Variants in DPP6 observed in about 807,000 individuals in gnomAD.
DPP6 encodes the protein A-type potassium channel modulatory protein DPP6.
DPP6 carries 69 observed loss-of-function variants against 122.6 expected under a neutral mutation model. That is an observed-to-expected ratio of 0.56 (90% confidence interval 0.46 to 0.69). The LOEUF is 0.69. Ranked by LOEUF, DPP6 falls within the 30% of genes least tolerant of loss-of-function variation. DPP6 has a pLI of 0.00. For missense variants in DPP6, 928 were observed against 1,116.9 expected, an observed-to-expected ratio of 0.83 and a Z score of 2.41; for synonymous variants, 418 against 433.1, an observed-to-expected ratio of 0.97 and a Z score of 0.43.
intron 1 of DPP6, among the ~76,000 whole-genome samples, chr7:154,230,702 C>T (rs534750082): frequency 6.6e-6 from 1 of 152,316 alleles, no homozygotes; most frequent in South Asian, 2.1e-4. Flanking sequence ...CTCTCACCTC[C>T]TCACCAAAAG....
intron 3 of DPP6, among the ~76,000 whole-genome samples, chr7:154,482,585 A>G (rs1823401267): frequency 6.6e-6 from 1 of 152,240 alleles, no homozygotes; most frequent in African/African-American, 2.4e-5. Context: ...AATAACATAT[A>G]TTGAATAATA....
intron 5 of DPP6, among the ~76,000 whole-genome samples, chr7:154,607,986 C>CTT (rs1158332977): frequency 9.8e-6 from 1 of 102,150 alleles, no homozygotes; most frequent in African/African-American, 3.0e-5. Flanking sequence ...TTTTTTTTTT[C>CTT]TTTTTTTTTT....
At chr7:153,815,058 A>G in the DPP6 span, among the ~76,000 whole-genome samples, 6 of 152,346 alleles carry the variant, frequency 3.9e-5, no homozygotes, top group South Asian at 1.0e-3. Context: ...CAAGACAGGG[A>G]TGGCCTCTCT....
chr7:153,857,117 CAAAG>C, the DPP6 span, among the ~76,000 whole-genome samples: 7 of 151,910 alleles, frequency 4.6e-5, no homozygotes, highest in African/African-American at 9.7e-5. Context: ...TTTTCTATGA[CAAAG>C]AAACCTTTAC....
chr7:154,219,613 C>G (rs1467401710), intron 1 of DPP6, among the ~76,000 whole-genome samples: 1 of 151,658 alleles, frequency 6.6e-6, no homozygotes, highest in African/African-American at 2.4e-5. Flanking sequence ...GAGTCTCCCA[C>G]TATCGTTCTG....
chr7:154,185,214 G>A (rs1056071286), intron 1 of DPP6, among the ~76,000 whole-genome samples: 13 of 152,166 alleles, frequency 8.5e-5, no homozygotes, highest in Non-Finnish European at 1.9e-4. Flanking sequence ...ATAATCCTGT[G>A]TAATGAGAAG....
the DPP6 span, among the ~76,000 whole-genome samples, chr7:153,855,472 TC>T: frequency 1.3e-5 from 2 of 152,172 alleles, no homozygotes; most frequent in Admixed American, 6.5e-5. Flanking sequence ...AAATCAGATT[TC>T]CCCCTACTTT....
At chr7:154,870,382 A>T (rs1406090935) in intron 18 of DPP6, among the ~76,000 whole-genome samples, 1 of 152,168 alleles carries the variant, frequency 6.6e-6, no homozygotes, top group East Asian at 1.9e-4. Flanking sequence ...AGGAGGGCAG[A>T]TCACTTGAGG....
the DPP6 span, among the ~76,000 whole-genome samples, chr7:153,851,658 T>C: frequency 6.6e-6 from 1 of 152,198 alleles, no homozygotes; most frequent in African/African-American, 2.4e-5. Flanking sequence ...TTATAAAGAA[T>C]AATTTCAATA....
chr7:154,279,834 C>T (rs180989546), intron 1 of DPP6, among the ~76,000 whole-genome samples: 1 of 152,254 alleles, frequency 6.6e-6, no homozygotes, highest in Non-Finnish European at 1.5e-5. Context: ...AATCAAAAAC[C>T]CACACACAAT....
chr7:154,682,631 G>A (rs1839353479), intron 7 of DPP6, among the ~76,000 whole-genome samples: 2 of 152,212 alleles, frequency 1.3e-5, no homozygotes, highest in South Asian at 4.1e-4. Context: ...AGAAATTTTA[G>A]TGTGTCCAAG....
Position 154,540,614 on chromosome 7 carries a change from A to G in DPP6, c.540A>G (p.Glu180=), listed in dbSNP as rs1828646190. ...CAAATACTTCTACTGTCTTAATAGA[A>G]GGCAAAAAAATTGTAAGTACTCTCT... The part of the protein sequence containing the change: ...VETNTSTVLI[E]GKKIESLRAI... The change falls in exon 4 of 26, where the codon GAA becomes GAG. Residue 180 remains glutamate (E), a synonymous_variant. Coordinates refer to ENST00000377770, the MANE Select transcript of DPP6 (RefSeq NM_130797.4). 1.3e-6 allele frequency: 2 copies of G among 1,579,684 alleles called. No individual in the cohort carries two copies. Among genetic ancestry groups the G allele is most frequent in the African/African-American group, 2.7e-5 (2 of 72,944 alleles).
intron 1 of DPP6, among the ~76,000 whole-genome samples, chr7:154,426,550 G>A (rs1817927195): frequency 6.6e-6 from 1 of 151,996 alleles, no homozygotes; most frequent in Non-Finnish European, 1.5e-5. Flanking sequence ...CTTTCAGTGG[G>A]GTGCATCTCA....
chr7:153,937,593 G>A (rs748273397), intron 1 of DPP6, among the ~76,000 whole-genome samples: 4 of 151,962 alleles, frequency 2.6e-5, no homozygotes, highest in Middle Eastern at 3.4e-3. Flanking sequence ...GATAACAGGC[G>A]CCCGCCACCA....
intron 12 of DPP6, among the ~76,000 whole-genome samples, chr7:154,798,939 C>T (rs1798194372): frequency 6.6e-6 from 1 of 152,182 alleles, no homozygotes; most frequent in Non-Finnish European, 1.5e-5. Flanking sequence ...TTGGCTGCTG[C>T]TTCAGACAGA....
At chr7:153,836,336 TG>T in the DPP6 span, among the ~76,000 whole-genome samples, 1 of 152,174 alleles carries the variant, frequency 6.6e-6, no homozygotes, top group African/African-American at 2.4e-5. Context: ...AGTGAGCATT[TG>T]TACGTGGGGT....
At chr7:154,325,751 T>A (rs1299977447) in intron 1 of DPP6, among the ~76,000 whole-genome samples, 1 of 152,254 alleles carries the variant, frequency 6.6e-6, no homozygotes, top group African/African-American at 2.4e-5. Context: ...TCAATACATA[T>A]GATTAATAAT....
At chr7:153,800,684 T>G in the DPP6 span, among the ~76,000 whole-genome samples, 1 of 152,028 alleles carries the variant, frequency 6.6e-6, no homozygotes, top group Non-Finnish European at 1.5e-5. Flanking sequence ...GCCAGGCTAA[T>G]TTTTGTATTT....
rs201948450 is a variant in DPP6 at position 154,252,238 on chromosome 7, G to GCA, written c.244-193975_244-193974insAC. On this transcript the variant is annotated intron_variant, in intron 1 of 25. Transcript: ENST00000377770. ...CGTGTGTGTGTGTGTGTGTGTGTGCGCGCATGCGCACGGTGGTGGTGGTTG... is the reference window on the plus strand; with the variant it reads ...CGTGTGTGTGTGTGTGTGTGTGTGCGCACGCATGCGCACGGTGGTGGTGGTTG... Among the ~76,000 whole-genome samples the GCA allele has an allele frequency of 8.8e-3, 1,343 of 152,208 alleles. 29 individuals carry two copies. The highest frequency in any genetic ancestry group is 0.03 in the African/African-American group (1,244 of 41,524).
Sources: gnomAD v4.1 joint callset for allele counts (sites outside exome capture counted in the v4.1 genomes callset) on GRCh38, gnomAD v4.1.1 for gene constraint, MANE v1.5 for transcripts, NCBI Gene and HGNC (gene_info 2026-07-23, HGNC 2026-07-21) for gene names.